CFAP299: variants seen among roughly 807,000 people sequenced by gnomAD.
CFAP299 encodes the protein cilia- and flagella-associated protein 299.
Under a neutral mutation model 27.0 loss-of-function variants are expected in CFAP299, and 21 were observed. The observed-to-expected ratio is 0.78, with a 90% CI of 0.55 to 1.12. CFAP299 has a LOEUF of 1.12. CFAP299 is among the 50% of genes most tolerant of loss of function. The pLI, the probability that CFAP299 is intolerant of heterozygous loss-of-function variation, is 0.00. For synonymous variants in CFAP299, 104 were observed against 98.1 expected, an observed-to-expected ratio of 1.06 and a Z score of -0.36; for missense variants, 310 against 276.6, an observed-to-expected ratio of 1.12 and a Z score of -0.86.
At chr4:80,868,288 G>A (rs1422212565) in intron 3 of CFAP299, among the ~76,000 whole-genome samples, 1 of 151,518 alleles carries the variant, frequency 6.6e-6, no homozygotes, top group Non-Finnish European at 1.5e-5. Context: ...ACTTCCTTTT[G>A]CCTGAAATAT....
chr4:80,742,671 A>C (rs1013550608), intron 3 of CFAP299, among the ~76,000 whole-genome samples: 27 of 152,312 alleles, frequency 1.8e-4, no homozygotes, highest in African/African-American at 6.0e-4. Context: ...CTTTATGAGA[A>C]TGATGATAAT....
chr4:80,666,788 C>T (rs1741162167), intron 3 of CFAP299, among the ~76,000 whole-genome samples: 1 of 152,220 alleles, frequency 6.6e-6, no homozygotes, highest in Non-Finnish European at 1.5e-5. Flanking sequence ...GCAGTAGTCA[C>T]ACTCACTGAA....
At chr4:80,950,255 C>CG (rs1434612290) in intron 5 of CFAP299, among the ~76,000 whole-genome samples, 2 of 150,034 alleles carry the variant, frequency 1.3e-5, no homozygotes, top group African/African-American at 2.5e-5. Context: ...TTCCCTCCAC[C>CG]CCCCCCCTTT....
chr4:80,835,325 C>T (rs1425815212), intron 3 of CFAP299, among the ~76,000 whole-genome samples: 1 of 152,012 alleles, frequency 6.6e-6, no homozygotes, highest in Non-Finnish European at 1.5e-5. Context: ...GTCTTGATCT[C>T]CTGACCTCCT....
intron 3 of CFAP299, among the ~76,000 whole-genome samples, chr4:80,867,361 A>G (rs72865149): frequency 0.012 from 1,779 of 152,304 alleles, 35 homozygotes; most frequent in African/African-American, 0.04. Context: ...ATTGTGTTTC[A>G]TGATATATGA....
At chr4:80,942,462 C>A (rs1003934606) in intron 4 of CFAP299, among the ~76,000 whole-genome samples, 3 of 151,878 alleles carry the variant, frequency 2.0e-5, no homozygotes, top group Admixed American at 6.6e-5. Context: ...AGCACATGAC[C>A]ATTACTAGAT....
At chr4:80,356,594 G>A (rs1013274821) in intron 1 of CFAP299, among the ~76,000 whole-genome samples, 1 of 151,818 alleles carries the variant, frequency 6.6e-6, no homozygotes, top group Non-Finnish European at 1.5e-5. Context: ...TCTTTTTGTG[G>A]CAATAGTGCA....
At chr4:80,447,130 G>GTTTTTTTTTTTTTTTT (rs1553923883) in intron 2 of CFAP299, among the ~76,000 whole-genome samples, 20 of 105,302 alleles carry the variant, frequency 1.9e-4, no homozygotes, top group Non-Finnish European at 2.5e-4. Context: ...TTTTTTTTTT[G>GTTTTTTTTTTTTTTTT]TTTTTTTTTT....
intron 3 of CFAP299, among the ~76,000 whole-genome samples, chr4:80,859,069 A>G (rs1463724202): frequency 2.6e-5 from 4 of 152,122 alleles, no homozygotes; most frequent in Admixed American, 2.0e-4. Context: ...GTCACTCAGG[A>G]GTTGCTTTGT....
chr4:80,390,546 CAT>C (rs1371187171), intron 2 of CFAP299, among the ~76,000 whole-genome samples: 5 of 21,698 alleles, frequency 2.3e-4, no homozygotes, highest in Non-Finnish European at 2.1e-4. Context: ...TGTATACACA[CAT>C]ATATGTATAT....
intron 4 of CFAP299, among the ~76,000 whole-genome samples, chr4:80,888,277 A>C (rs1734071200): frequency 6.6e-6 from 1 of 152,112 alleles, no homozygotes; most frequent in Admixed American, 6.6e-5. Flanking sequence ...TAGACTGAAA[A>C]TAAAGGGATG....
chr4:80,459,641 G>A (rs1729341066), intron 2 of CFAP299, among the ~76,000 whole-genome samples: 1 of 152,006 alleles, frequency 6.6e-6, no homozygotes, highest in South Asian at 2.1e-4. Context: ...CAAATTCACT[G>A]CCACTAACAA....
At chr4:80,584,105 T>C (rs1032461840) in intron 3 of CFAP299, among the ~76,000 whole-genome samples, 1 of 151,990 alleles carries the variant, frequency 6.6e-6, no homozygotes, top group Non-Finnish European at 1.5e-5. Flanking sequence ...GGAAAATTTC[T>C]TGTAGGAAGT....
intron 3 of CFAP299, among the ~76,000 whole-genome samples, chr4:80,671,863 T>C (rs1328491572): frequency 5.3e-5 from 8 of 152,218 alleles, no homozygotes; most frequent in Non-Finnish European, 1.0e-4. Flanking sequence ...GAGACTTTGC[T>C]GAAGTTGCTT....
chr4:80,681,443 G>T (rs1262549078), intron 3 of CFAP299, among the ~76,000 whole-genome samples: 1 of 151,682 alleles, frequency 6.6e-6, no homozygotes, highest in Non-Finnish European at 1.5e-5. Flanking sequence ...AAAAAACTGA[G>T]AAATCAATGA....
At chr4:80,689,253 C>T (rs373715504) in intron 3 of CFAP299, among the ~76,000 whole-genome samples, 59 of 152,076 alleles carry the variant, frequency 3.9e-4, no homozygotes, top group African/African-American at 8.9e-4. Context: ...GATTCACCAA[C>T]GTTGAAATGA....
intron 3 of CFAP299, among the ~76,000 whole-genome samples, chr4:80,856,322 G>A (rs1560447403): frequency 1.4e-5 from 2 of 146,418 alleles, no homozygotes; most frequent in East Asian, 3.9e-4. Flanking sequence ...CAGATGAGTA[G>A]GTTGCGAAAA....
chr4:80,449,900 A>T (rs1322263350), intron 2 of CFAP299, among the ~76,000 whole-genome samples: 1 of 152,120 alleles, frequency 6.6e-6, no homozygotes, highest in Non-Finnish European at 1.5e-5. Flanking sequence ...CTAGAAAGTT[A>T]TCTAATTCAC....
intron 2 of CFAP299, among the ~76,000 whole-genome samples, chr4:80,573,232 A>G (rs1601512): frequency 0.93 from 141,557 of 152,190 alleles, 65,897 homozygotes; most frequent in East Asian, 1. Flanking sequence ...ATGATGTTGA[A>G]CACCTTTTTA....
Sources: gnomAD v4.1 joint callset for allele counts (sites outside exome capture counted in the v4.1 genomes callset) on GRCh38, gnomAD v4.1.1 for gene constraint, MANE v1.5 for transcripts, NCBI Gene and HGNC (gene_info 2026-07-23, HGNC 2026-07-21) for gene names.